The following RBFOX2 variants were observed in gnomAD, a reference collection of about 807,000 sequenced individuals.
RBFOX2 encodes RNA binding fox-1 homolog 2.
A neutral mutation model predicts 49.1 loss-of-function variants in RBFOX2; 10 were observed. The observed-to-expected ratio is 0.20, with a 90% CI of 0.13 to 0.35. The LOEUF (loss-of-function observed/expected upper bound fraction) is 0.35. Among genes scored for constraint, RBFOX2 ranks in the 10% least tolerant of loss-of-function variants. The pLI, the probability that RBFOX2 is intolerant of heterozygous loss-of-function variation, is 1.00. For synonymous variants in RBFOX2, 183 were observed against 187.4 expected, an observed-to-expected ratio of 0.98 and a Z score of 0.19; for missense variants, 323 against 486.9, an observed-to-expected ratio of 0.66 and a Z score of 3.17.
chr22:35,752,305 C>T (rs1359601859), intron 9 of RBFOX2, among the ~76,000 whole-genome samples: 1 of 152,140 alleles, frequency 6.6e-6, no homozygotes, highest in Non-Finnish European at 1.5e-5. Flanking sequence ...AGTTTAAATA[C>T]CACAGGTACA....
chr22:35,889,078 G>A (rs1044428369), intron 1 of RBFOX2, among the ~76,000 whole-genome samples: 2 of 152,110 alleles, frequency 1.3e-5, no homozygotes, highest in African/African-American at 4.8e-5. Flanking sequence ...TCGCTTGAAT[G>A]CAGGAGGCGA....
intron 1 of RBFOX2, among the ~76,000 whole-genome samples, chr22:35,968,004 C>A (rs902598384): frequency 6.6e-6 from 1 of 152,128 alleles, no homozygotes; most frequent in Non-Finnish European, 1.5e-5. Flanking sequence ...TATGTATACA[C>A]ATATGCTTTC....
At chr22:35,941,445 T>C (rs570750304), upstream of RBFOX2, among the ~76,000 whole-genome samples, 155 of 152,258 alleles carry the variant, frequency 1.0e-3, 2 homozygotes, top group Non-Finnish European at 1.4e-3. Context: ...AGAAGGTAAG[T>C]AACTGGCCCA....
At chr22:35,865,921 A>AT (rs1234251369) in intron 1 of RBFOX2, among the ~76,000 whole-genome samples, 2 of 152,240 alleles carry the variant, frequency 1.3e-5, no homozygotes, top group Non-Finnish European at 2.9e-5. Flanking sequence ...AAAAATTAAA[A>AT]TTGTTAACAC....
rs149787813 is a variant in RBFOX2, at chr22:35,985,445, A to G, written c.186+42795T>C. Among the ~76,000 whole-genome samples the G allele has an allele frequency of 1.4e-3, 206 of 152,302 alleles. 3 individuals are homozygous for G. Among genetic ancestry groups the G allele is most frequent in the African/African-American group, 4.7e-3 (195 of 41,570 alleles). On this transcript the variant is annotated intron_variant, in intron 1 of 13. Transcript: ENST00000438146. ...AATACTGAAGCAAACGGGTCATTCC[A>G]AAAGAGAACAGCCACTATTTAGCTC...
intron 4 of RBFOX2, among the ~76,000 whole-genome samples, chr22:35,771,254 C>G (rs1178428610): frequency 1.3e-5 from 2 of 152,142 alleles, no homozygotes; most frequent in Non-Finnish European, 2.9e-5. Flanking sequence ...CCAACGTGGC[C>G]ACTGTACTGT....
intron 1 of RBFOX2, chr22:35,961,458 C>A: frequency 8.2e-7 from 1 of 1,218,612 alleles, no homozygotes; most frequent in Non-Finnish European, 1.1e-6. Context: ...TTCCACACGA[C>A]CGACCTCTCT....
chr22:35,949,180 A>T (rs11914220), intron 1 of RBFOX2, among the ~76,000 whole-genome samples: 11,734 of 152,300 alleles, frequency 0.077, 468 homozygotes, highest in South Asian at 0.09. Flanking sequence ...CCAAATAATA[A>T]TATTGTGTTA....
intron 1 of RBFOX2, chr22:35,821,856 G>A (rs1603299456): frequency 3.9e-6 from 2 of 518,966 alleles, no homozygotes; most frequent in East Asian, 1.1e-4. Context: ...AAGGGGTCAA[G>A]TGAGTTAACT....
exon 6 of RBFOX2, chr22:35,765,427 T>C (rs1940627273): frequency 1.3e-6 from 2 of 1,510,280 alleles, no homozygotes; most frequent in Non-Finnish European, 1.8e-6. Flanking sequence ...TCTTACCATT[T>C]GCATATGGTG....
At chr22:35,979,315 A>G (rs1009315148) in intron 1 of RBFOX2, among the ~76,000 whole-genome samples, 7 of 152,232 alleles carry the variant, frequency 4.6e-5, no homozygotes, top group Non-Finnish European at 7.3e-5. Context: ...ATACCGGACC[A>G]AAAAGGAAAA....
At chr22:35,745,552 C>G (rs1932265319) in intron 11 of RBFOX2, among the ~76,000 whole-genome samples, 1 of 152,182 alleles carries the variant, frequency 6.6e-6, no homozygotes, top group Admixed American at 6.5e-5. Flanking sequence ...ACTGTGAATA[C>G]TACAGCCTTA....
chr22:36,024,666 A>G (rs1460086374), intron 1 of RBFOX2, among the ~76,000 whole-genome samples: 1 of 151,724 alleles, frequency 6.6e-6, no homozygotes, highest in Non-Finnish European at 1.5e-5. Context: ...GCTTGAACCC[A>G]GGAGGCAGAG....
At chr22:35,794,792 A>AC (rs2147662393) in intron 2 of RBFOX2, among the ~76,000 whole-genome samples, 1 of 152,288 alleles carries the variant, frequency 6.6e-6, no homozygotes, top group South Asian at 2.1e-4. Flanking sequence ...AATCCTTACT[A>AC]CTTCATCATC....
At chr22:35,763,124 A>G (rs1939573772) in intron 6 of RBFOX2, among the ~76,000 whole-genome samples, 1 of 152,192 alleles carries the variant, frequency 6.6e-6, no homozygotes, top group Non-Finnish European at 1.5e-5. Context: ...ATTAGGAGGA[A>G]CCCAACAAAT....
chr22:35,852,118 T>C (rs1052467624), intron 1 of RBFOX2, among the ~76,000 whole-genome samples: 1 of 152,056 alleles, frequency 6.6e-6, no homozygotes. Flanking sequence ...TTAAAGACAA[T>C]AGTTATAATA....
At chr22:35,956,417 A>G (rs1186607650) in intron 1 of RBFOX2, among the ~76,000 whole-genome samples, 1 of 151,794 alleles carries the variant, frequency 6.6e-6, no homozygotes, top group Non-Finnish European at 1.5e-5. Flanking sequence ...CCTGGAGTGC[A>G]ATGGTACAAT....
intron 2 of RBFOX2, 37 bp downstream of exon 3, chr22:35,809,743 A>G (rs753394580): frequency 6.3e-7 from 1 of 1,588,660 alleles, no homozygotes. Context: ...TATGATTGCC[A>G]TGCATCCTTC....
chr22:35,958,124 A>T (rs1305521103), intron 1 of RBFOX2, among the ~76,000 whole-genome samples: 4 of 152,230 alleles, frequency 2.6e-5, no homozygotes, highest in Non-Finnish European at 5.9e-5. Flanking sequence ...TTATAGACAA[A>T]ATAATAAATT....
Sources: allele counts gnomAD v4.1 joint callset (sites outside exome capture counted in the v4.1 genomes callset), GRCh38; gene constraint gnomAD v4.1.1; transcripts MANE v1.5; gene names NCBI Gene and HGNC (gene_info 2026-07-23, HGNC 2026-07-21).